GPATCH8: variants seen among roughly 807,000 people sequenced by gnomAD.
The protein encoded by GPATCH8 is G patch domain-containing protein 8.
In GPATCH8, 18 loss-of-function variants were observed where a neutral mutation model predicts 118.3. The ratio of observed to expected loss-of-function variants is 0.15; its 90% CI spans 0.11 to 0.23. The LOEUF (loss-of-function observed/expected upper bound fraction) is 0.23. Among genes scored for constraint, GPATCH8 ranks in the 10% least tolerant of loss-of-function variants. GPATCH8 has a pLI of 1.00. For missense variants in GPATCH8, 1,631 were observed against 1,873.8 expected (o/e 0.87, Z 2.39); for synonymous variants, 659 against 684.7 (o/e 0.96, Z 0.59).
chr17:44,450,785 G>C (rs979587287), intron 3 of GPATCH8, among the ~76,000 whole-genome samples: 1 of 152,058 alleles, frequency 6.6e-6, no homozygotes, highest in African/African-American at 2.4e-5. Context: ...TCTCATGGAA[G>C]AATAAAGAGA....
chr17:44,418,569 C>T (rs950622244), intron 6 of GPATCH8, among the ~76,000 whole-genome samples: 1 of 152,034 alleles, frequency 6.6e-6, no homozygotes, highest in African/African-American at 2.4e-5. Context: ...ATTCTCCTGC[C>T]TCAGCCTCCC....
chr17:44,479,944 C>T (rs1362301418), intron 1 of GPATCH8, among the ~76,000 whole-genome samples: 1 of 146,686 alleles, frequency 6.8e-6, no homozygotes, highest in Admixed American at 7.0e-5. Flanking sequence ...TCCAGCTTGG[C>T]GACAGAGCAA....
At chr17:44,420,916 G>C (rs147338396) in intron 6 of GPATCH8, among the ~76,000 whole-genome samples, 292 of 152,186 alleles carry the variant, frequency 1.9e-3, no homozygotes, top group Non-Finnish European at 3.5e-3. Flanking sequence ...CTGGAGTGCA[G>C]TGGTGCCATC....
chr17:44,474,580 G>C, intron 2 of GPATCH8: 1 of 573,888 alleles, frequency 1.7e-6, no homozygotes, highest in Non-Finnish European at 3.1e-6. Flanking sequence ...CAAAGTATCG[G>C]TATGGGCCAA....
intron 1 of GPATCH8, among the ~76,000 whole-genome samples, chr17:44,483,049 A>G (rs1968405236): frequency 7.0e-6 from 1 of 142,100 alleles, no homozygotes; most frequent in African/African-American, 2.6e-5. Context: ...CCAGCTACTC[A>G]GGAGGCTGAG....
intron 3 of GPATCH8, among the ~76,000 whole-genome samples, chr17:44,453,160 T>C (rs1306392936): frequency 6.6e-6 from 1 of 152,158 alleles, no homozygotes; most frequent in Admixed American, 6.5e-5. Flanking sequence ...TGTAAGTCTA[T>C]ACCTCTGCTC....
intron 6 of GPATCH8, among the ~76,000 whole-genome samples, chr17:44,422,640 G>A (rs1472101502): frequency 2.0e-5 from 3 of 151,842 alleles, no homozygotes. Flanking sequence ...ACAGGCGCTC[G>A]CTACCAGGCC....
intron 6 of GPATCH8, among the ~76,000 whole-genome samples, chr17:44,415,957 T>C (rs1236220725): frequency 6.6e-6 from 1 of 152,218 alleles, no homozygotes; most frequent in African/African-American, 2.4e-5. Context: ...GGGTTACCCC[T>C]AATCACAAAA....
In GPATCH8 at chr17:44,397,625, T is replaced by A. The variant is rs757072106; in HGVS notation, c.4452A>T (p.Leu1484=). Residue 1484 remains leucine, a synonymous_variant, in exon 8 of 8, where the codon CTA becomes CTT. Transcript: ENST00000591680. ...CCTGACCTGAGAAGATGGGGTGAAG[T>A]AGTGGGTGAAGGTGAAGTGCAGTGG... ...AAATALHLHP[L]LHPIFSGQDL... is the part of the protein sequence containing the mutation. The A allele has an allele frequency of 1.9e-6, 3 of 1,613,244 alleles. No individual in the cohort carries two copies. In the South Asian group the frequency reaches 3.3e-5, roughly 18 times the overall value.
intron 2 of GPATCH8, among the ~76,000 whole-genome samples, chr17:44,466,337 C>T (rs7214894): frequency 0.6 from 91,453 of 151,882 alleles, 27,736 homozygotes; most frequent in Middle Eastern, 0.67. Context: ...CAAATTATAA[C>T]GAAAAATTTG....
intron 7 of GPATCH8, among the ~76,000 whole-genome samples, 182 bp downstream of exon 7, chr17:44,405,739 C>T (rs990191892): frequency 2.9e-5 from 4 of 139,526 alleles, no homozygotes; most frequent in African/African-American, 1.1e-4. Context: ...CTCCTGACCT[C>T]GTGATCCGCC....
chr17:44,398,458 G>T lies in GPATCH8; in HGVS notation c.3619C>A (p.Pro1207Thr). The T allele has an allele frequency of 6.2e-7, 1 of 1,612,620 alleles. No individual in the cohort carries two copies. The highest frequency in any genetic ancestry group is 8.5e-7 in the Non-Finnish European group (1 of 1,179,174). Residue 1207 changes from proline to threonine, a missense_variant, in exon 8 of 8, where the codon CCA (proline) becomes ACA (threonine). Pro to Thr is a conservative substitution (Grantham distance 38, BLOSUM62 -1). Around this residue, in one of 8 missense-constraint regions of GPATCH8, gnomAD observed 922 missense variants for 879.7 expected, o/e 1.05. Transcript: ENST00000591680. ...GCTTCTCCAGACTTTGACTCTTCTGGGGGTGGGTCTAATAAGGGGCCAGTT... is the reference window on the plus strand; with the variant it reads ...GCTTCTCCAGACTTTGACTCTTCTGTGGGTGGGTCTAATAAGGGGCCAGTT... ...ETTGPLLDPPPEESKSGEATA... is the reference protein window; with the variant it reads ...ETTGPLLDPPTEESKSGEATA...
intron 1 of GPATCH8, among the ~76,000 whole-genome samples, chr17:44,493,206 A>G (rs1969411933): frequency 6.6e-6 from 1 of 152,062 alleles, no homozygotes; most frequent in Non-Finnish European, 1.5e-5. Context: ...GACTACAGGC[A>G]TGCACCACTA....
intron 6 of GPATCH8, among the ~76,000 whole-genome samples, chr17:44,418,611 C>G (rs1380117313): frequency 6.6e-6 from 1 of 152,116 alleles, no homozygotes; most frequent in East Asian, 1.9e-4. Flanking sequence ...CGTGCTGCCA[C>G]GCCCGGCTTT....
At position 44,448,507 on chromosome 17, in the gene GPATCH8, G is replaced by A. The variant is rs1464889308; in HGVS notation, c.194-11962C>T. Among the ~76,000 whole-genome samples, 43 of 116,866 alleles carry A rather than the reference G, an allele frequency of 3.7e-4. 3 individuals are homozygous for A. The highest frequency in any genetic ancestry group is 1.4e-3 in the African/African-American group (42 of 30,634). 76.7% of individuals were successfully genotyped at this position (116,866 alleles called of 152,430 possible). On this transcript the variant is annotated intron_variant, in intron 3 of 7. Coordinates refer to ENST00000591680, the MANE Select transcript of GPATCH8 (RefSeq NM_001002909.4). ...CGTGAGCCAAAAAAAAAAAAAAGGG[G>A]GGGGGGGGAAGAAGGAGGAAGAAGA...
In GPATCH8 at chr17:44,435,411, C is replaced by CTTTTT. The variant is rs566253126; in HGVS notation, c.262-265_262-261dup. On this transcript the variant is annotated intron_variant, in intron 4 of 7. Transcript: ENST00000591680. ...ATGTTAATTTTCTTTTCTTTCTTTC[C>CTTTTT]TTTTTTTTTTTTTTTTTTTGAGATG... Among the ~76,000 whole-genome samples, 203 of 99,732 alleles carry CTTTTT rather than the reference C, an allele frequency of 2.0e-3. 3 individuals are homozygous for CTTTTT. Among genetic ancestry groups the CTTTTT allele is most frequent in the Non-Finnish European group, 3.0e-3 (162 of 53,318 alleles). 65.4% of individuals were successfully genotyped at this position (99,732 alleles called of 152,430 possible). A position where few individuals can be genotyped will look rare whatever the true frequency, so the allele number is the denominator to read the frequency against.
At chr17:44,421,721 TTTTTC>T (rs1181095422) in intron 6 of GPATCH8, among the ~76,000 whole-genome samples, 2 of 147,392 alleles carry the variant, frequency 1.4e-5, no homozygotes, top group African/African-American at 2.5e-5. Flanking sequence ...CCTTTCTTTC[TTTTTC>T]TTTTTTCTTT....
rs559343431 is a variant in GPATCH8, at chr17:44,435,163, T to C, written c.262-12A>G. 4.2e-6 allele frequency: 5 copies of C among 1,176,638 alleles called. No homozygotes were observed. Among genetic ancestry groups the C allele is most frequent in the East Asian group, 2.3e-5 (1 of 42,900 alleles). 72.9% of individuals were successfully genotyped at this position (1,176,638 alleles called of 1,614,324 possible). A position where few individuals can be genotyped will look rare whatever the true frequency, so the allele number is the denominator to read the frequency against. On this transcript the variant is annotated splice_polypyrimidine_tract_variant and intron_variant, in intron 4 of 7. Coordinates refer to ENST00000591680, the MANE Select transcript of GPATCH8 (RefSeq NM_001002909.4). ...TCAGCATAATCAAGCTTGACAAAAA[T>C]AGATATGATTAGATTTAATTCCTAA...
chr17:44,487,738 T>C (rs777662788), intron 1 of GPATCH8, among the ~76,000 whole-genome samples: 1 of 152,184 alleles, frequency 6.6e-6, no homozygotes, highest in Non-Finnish European at 1.5e-5. Flanking sequence ...TAGTATTTTG[T>C]TTACTTTTAC....
Sources: allele counts gnomAD v4.1 joint callset (sites outside exome capture counted in the v4.1 genomes callset), GRCh38; gene constraint gnomAD v4.1.1; regional missense constraint gnomAD v4.1.1; transcripts MANE v1.5; gene names NCBI Gene and HGNC (gene_info 2026-07-23, HGNC 2026-07-21).